Variants in ADRA1A observed in about 807,000 individuals in gnomAD.
ADRA1A encodes adrenoceptor alpha 1A, also known as alpha-1A adrenergic receptor.
A neutral mutation model predicts 29.6 loss-of-function variants in ADRA1A; 31 were observed. The observed-to-expected ratio is 1.05, with a 90% confidence interval of 0.79 to 1.41. The LOEUF (loss-of-function observed/expected upper bound fraction) is 1.41. Ranked by LOEUF, ADRA1A falls within the 40% of genes most tolerant of loss-of-function variation. The probability of loss-of-function intolerance (pLI) is 0.00; values close to 1 mark genes in which losing one functional copy is unlikely to be tolerated. For missense variants in ADRA1A, 619 were observed against 601.1 expected (o/e 1.03, Z -0.31); for synonymous variants, 311 against 254.3 (o/e 1.22, Z -2.12).
chr8:26,798,745 A>G (rs1006077192), intron 2 of ADRA1A, among the ~76,000 whole-genome samples: 3 of 152,148 alleles, frequency 2.0e-5, no homozygotes, highest in African/African-American at 7.2e-5. Flanking sequence ...TACCATTATT[A>G]AATACCCAAA....
At chr8:26,757,518 A>C (rs73678226) in intron 2 of ADRA1A, among the ~76,000 whole-genome samples, 24,553 of 146,166 alleles carry the variant, frequency 0.17, 2,524 homozygotes, top group East Asian at 0.39. Flanking sequence ...CATTTCCCCC[A>C]CCCCCCACCT....
intron 2 of ADRA1A, among the ~76,000 whole-genome samples, chr8:26,774,543 C>A (rs189578145): frequency 2.0e-5 from 3 of 152,110 alleles, no homozygotes. Flanking sequence ...GTGGCATGTG[C>A]CTGTAGTTCC....
At chr8:26,784,126 G>A (rs1352248544) in intron 2 of ADRA1A, among the ~76,000 whole-genome samples, 5 of 152,148 alleles carry the variant, frequency 3.3e-5, no homozygotes, top group African/African-American at 1.2e-4. Flanking sequence ...CATGGCACAA[G>A]TTTACCTATG....
chr8:26,812,917 T>C (rs886627179), intron 2 of ADRA1A, among the ~76,000 whole-genome samples: 15 of 152,020 alleles, frequency 9.9e-5, no homozygotes, highest in Middle Eastern at 3.4e-3. Context: ...CCGCCCACCT[T>C]GGCCTCCCAA....
At chr8:26,777,798 C>T (rs552164420) in intron 2 of ADRA1A, among the ~76,000 whole-genome samples, 86 of 152,334 alleles carry the variant, frequency 5.6e-4, no homozygotes, top group African/African-American at 1.7e-3. Flanking sequence ...TAAGGGGAAC[C>T]GGGCACACTG....
At chr8:26,857,317 C>G (rs981093540) in intron 2 of ADRA1A, among the ~76,000 whole-genome samples, 1 of 152,024 alleles carries the variant, frequency 6.6e-6, no homozygotes, top group Non-Finnish European at 1.5e-5. Flanking sequence ...AAGCCACTAC[C>G]TTTTGGGATG....
At chr8:26,803,893 C>G (rs551269731) in intron 2 of ADRA1A, among the ~76,000 whole-genome samples, 1 of 148,570 alleles carries the variant, frequency 6.7e-6, no homozygotes, top group South Asian at 2.1e-4. Flanking sequence ...TACAATCACT[C>G]TGCAAAAGAA....
At chr8:26,859,467 A>G (rs1487045476) in intron 2 of ADRA1A, among the ~76,000 whole-genome samples, 1 of 152,186 alleles carries the variant, frequency 6.6e-6, no homozygotes, top group Non-Finnish European at 1.5e-5. Context: ...CCATGTAATA[A>G]TATCACTCTG....
intron 2 of ADRA1A, among the ~76,000 whole-genome samples, chr8:26,828,867 G>C (rs1421787995): frequency 6.6e-6 from 1 of 152,080 alleles, no homozygotes; most frequent in African/African-American, 2.4e-5. Context: ...CTGGGTAAGA[G>C]CCCAGGACCT....
chr8:26,814,702 A>G (rs1167254251), intron 2 of ADRA1A, among the ~76,000 whole-genome samples: 6 of 152,164 alleles, frequency 3.9e-5, no homozygotes, highest in Admixed American at 6.5e-5. Context: ...CTACCCTTCC[A>G]TCTAGAGAGA....
rs960176409 is a variant in ADRA1A, at chr8:26,787,369, T to C, written c.884-16703A>G. ...ATTCTCGAATGTTAATAATTAGGTT[T>C]GTTCAGAATAGACATGTTTGGACAT... On this transcript the variant is annotated intron_variant, in intron 2 of 2. Coordinates refer to ENST00000380573, the MANE Select transcript of ADRA1A (RefSeq NM_000680.4). This position sits in a 1 kb window ranked among gnomAD's most constrained non-coding sequence, Gnocchi z 4.2. Among the ~76,000 whole-genome samples the C allele has an allele frequency of 6.6e-6, 1 of 152,174 alleles. No homozygotes were observed. Among genetic ancestry groups the C allele is most frequent in the African/African-American group, 2.4e-5 (1 of 41,434 alleles).
intron 2 of ADRA1A, chr8:26,756,891 C>T (rs1805199165): frequency 1.0e-5 from 15 of 1,481,568 alleles, no homozygotes; most frequent in Non-Finnish European, 9.1e-7. Context: ...AGAATTCTTA[C>T]TCCAAACCCA....
In ADRA1A at chr8:26,867,077, C is replaced by T; in HGVS notation, c.-828G>A. On this transcript the variant is annotated 5_prime_UTR_variant, in exon 1 of 3. Transcript: ENST00000380573. ...GCACCAAATCCTTGTCCTTTTGCAC[C>T]CGCTGACTCACCCCTCCACCACTGA... 3 of 985,422 alleles carry T rather than the reference C, an allele frequency of 3.0e-6. No individual in the cohort carries two copies. The highest frequency in any genetic ancestry group is 5.2e-4 in the Middle Eastern group (1 of 1,914). The allele number at this position is 985,422 out of a possible 1,614,324, so 61.0% of individuals were successfully genotyped here.
At chr8:26,753,459 TA>T (rs1312676014), downstream of ADRA1A, among the ~76,000 whole-genome samples, 3 of 144,700 alleles carry the variant, frequency 2.1e-5, no homozygotes, top group East Asian at 4.1e-4. Flanking sequence ...TATTTTTTTT[TA>T]AAGTGAGGAT....
chr8:26,838,915 A>G (rs913757312), intron 2 of ADRA1A, among the ~76,000 whole-genome samples: 2 of 152,186 alleles, frequency 1.3e-5, no homozygotes, highest in African/African-American at 4.8e-5. Context: ...CTCTGGAACC[A>G]GAGTTAAGGC....
At chr8:26,753,921 A>C (rs575718524), downstream of ADRA1A, among the ~76,000 whole-genome samples, 6 of 152,378 alleles carry the variant, frequency 3.9e-5, no homozygotes, top group Non-Finnish European at 8.8e-5. Context: ...ATAAATTCTT[A>C]TAATTTGAAC....
intron 2 of ADRA1A, among the ~76,000 whole-genome samples, chr8:26,830,676 C>T (rs540871560): frequency 6.6e-6 from 1 of 152,282 alleles, no homozygotes; most frequent in East Asian, 1.9e-4. Flanking sequence ...AAGAAATAAG[C>T]TGTTCTACCC....
In ADRA1A at chr8:26,768,828, T is replaced by G; in HGVS notation, c.*1321A>C. 2.2e-6 allele frequency: 2 copies of G among 900,520 alleles called. No homozygotes were observed. Among genetic ancestry groups the G allele is most frequent in the South Asian group, 5.1e-5 (1 of 19,516 alleles). The allele number at this position is 900,520 out of a possible 1,614,324, so 55.8% of individuals were successfully genotyped here. A position where few individuals can be genotyped will look rare whatever the true frequency, so the allele number is the denominator to read the frequency against. ...AAGTTCTGTACTGAGTTATTATGGT[T>G]TACCAAAATTTGGTATACATAAAGC... On this transcript the variant is annotated 3_prime_UTR_variant, in exon 3 of 3. Coordinates refer to ENST00000380573, the MANE Select transcript of ADRA1A (RefSeq NM_000680.4).
chr8:26,758,729 G>C (rs981615180), intron 2 of ADRA1A, among the ~76,000 whole-genome samples: 1 of 152,178 alleles, frequency 6.6e-6, no homozygotes, highest in Non-Finnish European at 1.5e-5. Context: ...CATTGGGGTG[G>C]AGTTGGGAAG....
Sources: allele counts gnomAD v4.1 joint callset (sites outside exome capture counted in the v4.1 genomes callset), GRCh38; gene constraint gnomAD v4.1.1; non-coding constraint Gnocchi (gnomAD v3.1); transcripts MANE v1.5; gene names NCBI Gene and HGNC (gene_info 2026-07-23, HGNC 2026-07-21).